Variants in PLCL1 observed in about 807,000 individuals in gnomAD.
PLCL1 encodes the protein phospholipase C like 1 (inactive).
A neutral mutation model predicts 84.4 loss-of-function variants in PLCL1; 41 were observed. That is an observed-to-expected ratio of 0.49 (90% CI 0.38 to 0.63). The LOEUF is 0.63. PLCL1 is among the 30% of genes least tolerant of loss of function. PLCL1 has a pLI of 0.00. For synonymous variants in PLCL1, 490 were observed against 488.3 expected, an observed-to-expected ratio of 1.00 and a Z score of -0.05; for missense variants, 1,206 against 1,367.8, an observed-to-expected ratio of 0.88 and a Z score of 1.87.
At chr2:198,045,654 A>T (rs1429579016) in intron 1 of PLCL1, among the ~76,000 whole-genome samples, 2 of 152,208 alleles carry the variant, frequency 1.3e-5, no homozygotes, top group Non-Finnish European at 2.9e-5. Context: ...ACATTCATGG[A>T]TATGCATTCT....
chr2:197,923,563 G>C (rs1184805064), intron 1 of PLCL1, among the ~76,000 whole-genome samples: 2 of 147,352 alleles, frequency 1.4e-5, no homozygotes, highest in Non-Finnish European at 3.0e-5. Flanking sequence ...GACGATGGGC[G>C]GCCGGGCAGA....
rs151257561 is a variant in PLCL1 at position 198,048,579 on chromosome 2, C to T, written c.241-35179C>T. Among the ~76,000 whole-genome samples the T allele has an allele frequency of 2.4e-4, 36 of 152,258 alleles. 1 individual carries two copies. In the East Asian group the frequency reaches 6.8e-3, roughly 29 times the overall value. On this transcript the variant is annotated intron_variant, in intron 1 of 5. Coordinates refer to ENST00000428675, the MANE Select transcript of PLCL1 (RefSeq NM_006226.4). ...AGGTGAAGGGAGAGCAGGTGCATCA[C>T]GTGGTGAGATAAGGAACAACAGAGA...
At chr2:197,897,344 A>T (rs1053569608) in intron 1 of PLCL1, among the ~76,000 whole-genome samples, 2 of 152,068 alleles carry the variant, frequency 1.3e-5, no homozygotes, top group Admixed American at 6.6e-5. Context: ...GATGTACATT[A>T]TAATGAATTT....
rs1559038521 is a variant in PLCL1 at position 197,897,159 on chromosome 2, CTT to C, written c.240+91821_240+91822del. On this transcript the variant is annotated intron_variant, in intron 1 of 5. Transcript: ENST00000428675. Reference sequence around the variant, plus strand: ...TCTTCTTCTTCTTCTTCTTCTTCTTCTTCTTCTTCTTCTTCTTCTTCTTCTTC... The same window carrying C: ...TCTTCTTCTTCTTCTTCTTCTTCTTCCTTCTTCTTCTTCTTCTTCTTCTTC... Among the ~76,000 whole-genome samples, 24 of 31,592 alleles carry C rather than the reference CTT, an allele frequency of 7.6e-4. 1 individual carries two copies. Among genetic ancestry groups the C allele is most frequent in the African/African-American group, 4.2e-3 (18 of 4,272 alleles). The allele number at this position is 31,592 out of a possible 152,430, so 20.7% of individuals were successfully genotyped here.
chr2:198,055,258 A>G (rs1692034515), intron 1 of PLCL1, among the ~76,000 whole-genome samples: 1 of 149,428 alleles, frequency 6.7e-6, no homozygotes, highest in African/African-American at 2.5e-5. Flanking sequence ...TCTTAAACCC[A>G]TAATATTCAC....
chr2:197,834,884 G>T (rs1050554045), intron 1 of PLCL1, among the ~76,000 whole-genome samples: 1 of 152,184 alleles, frequency 6.6e-6, no homozygotes, highest in Non-Finnish European at 1.5e-5. Context: ...CAATAGCAAA[G>T]ACGTGGAACT....
intron 1 of PLCL1, among the ~76,000 whole-genome samples, chr2:197,868,614 C>T (rs960593116): frequency 6.6e-6 from 1 of 152,154 alleles, no homozygotes; most frequent in Admixed American, 6.5e-5. Context: ...ATCCTCCCAC[C>T]TCAGCCTCCC....
chr2:198,111,272 C>T (rs1693615252), intron 5 of PLCL1, among the ~76,000 whole-genome samples: 1 of 151,862 alleles, frequency 6.6e-6, no homozygotes, highest in African/African-American at 2.4e-5. Context: ...TCCATCCCAG[C>T]AAATACTTCT....
chr2:198,088,754 T>C (rs1264798357), intron 2 of PLCL1, 104 bp from the exon 3 acceptor site: 2 of 778,998 alleles, frequency 2.6e-6, no homozygotes, highest in African/African-American at 1.7e-5. Context: ...GAATTAGCCC[T>C]CTATTATCTT....
chr2:198,132,453 T>C (rs1472351313), intron 5 of PLCL1, among the ~76,000 whole-genome samples: 1 of 152,044 alleles, frequency 6.6e-6, no homozygotes, highest in Non-Finnish European at 1.5e-5. Flanking sequence ...AAATGTGTTT[T>C]TTTGGGGGGG....
intron 1 of PLCL1, among the ~76,000 whole-genome samples, chr2:197,806,113 G>A (rs1234229760): frequency 6.6e-6 from 1 of 152,168 alleles, no homozygotes; most frequent in Non-Finnish European, 1.5e-5. Flanking sequence ...TCTTTTGGGA[G>A]CATGACTTTG....
chr2:197,846,683 G>C (rs1167468773), intron 1 of PLCL1, among the ~76,000 whole-genome samples: 1 of 152,028 alleles, frequency 6.6e-6, no homozygotes, highest in Non-Finnish European at 1.5e-5. Context: ...ATGGGTGAGT[G>C]CCCAGTAATT....
At chr2:197,940,068 G>T (rs1689128581) in intron 1 of PLCL1, among the ~76,000 whole-genome samples, 2 of 152,026 alleles carry the variant, frequency 1.3e-5, no homozygotes, top group South Asian at 2.1e-4. Context: ...TTTCTTAACT[G>T]TATAAATGGA....
At chr2:198,048,350 C>T (rs1351068104) in intron 1 of PLCL1, among the ~76,000 whole-genome samples, 1 of 152,152 alleles carries the variant, frequency 6.6e-6, no homozygotes, top group Non-Finnish European at 1.5e-5. Context: ...CTCACATGGC[C>T]CAAAGGGGCA....
chr2:198,056,395 G>C (rs1692075078), intron 1 of PLCL1, among the ~76,000 whole-genome samples: 1 of 152,164 alleles, frequency 6.6e-6, no homozygotes, highest in South Asian at 2.1e-4. Context: ...GGACTTTTCT[G>C]GTACTATGTA....
intron 1 of PLCL1, among the ~76,000 whole-genome samples, chr2:197,915,235 C>T (rs1303586295): frequency 6.6e-6 from 1 of 152,110 alleles, no homozygotes; most frequent in Non-Finnish European, 1.5e-5. Context: ...AATGATTAAC[C>T]TGATTAAAGC....
intron 1 of PLCL1, among the ~76,000 whole-genome samples, chr2:198,032,520 A>G (rs1187970749): frequency 1.3e-5 from 2 of 152,206 alleles, no homozygotes; most frequent in African/African-American, 2.4e-5. Context: ...AAATTAAACA[A>G]TTTGCTAAGC....
chr2:198,065,737 A>G (rs1692308237), intron 1 of PLCL1, among the ~76,000 whole-genome samples: 2 of 152,204 alleles, frequency 1.3e-5, no homozygotes. Context: ...CCTTGATTAA[A>G]CTACAGGAAA....
chr2:197,877,986 TGTTA>T (rs2095423583), intron 1 of PLCL1, among the ~76,000 whole-genome samples: 1 of 152,110 alleles, frequency 6.6e-6, no homozygotes, highest in African/African-American at 2.4e-5. Context: ...TCCTAGTGTG[TGTTA>T]GTTAGAGACA....
Sources: gnomAD v4.1 joint callset for allele counts (sites outside exome capture counted in the v4.1 genomes callset) on GRCh38, gnomAD v4.1.1 for gene constraint, MANE v1.5 for transcripts, NCBI Gene and HGNC (gene_info 2026-07-23, HGNC 2026-07-21) for gene names.